The following TTC23L variants were observed in gnomAD, a reference collection of about 807,000 sequenced individuals.
The protein encoded by TTC23L is tetratricopeptide repeat protein 23-like.
In TTC23L, 42 loss-of-function variants were observed where a neutral mutation model predicts 48.1. The observed-to-expected ratio is 0.87, with a 90% CI of 0.68 to 1.13. The LOEUF is 1.13. TTC23L is among the 50% of genes most tolerant of loss of function. The pLI is 0.00. For missense variants in TTC23L, 391 were observed against 421.0 expected, an observed-to-expected ratio of 0.93 and a Z score of 0.62; for synonymous variants, 159 against 157.2, an observed-to-expected ratio of 1.01 and a Z score of -0.09.
chr5:34,857,516 T>C (rs1392035049), intron 4 of TTC23L, among the ~76,000 whole-genome samples: 1 of 152,206 alleles, frequency 6.6e-6, no homozygotes, highest in African/African-American at 2.4e-5. Flanking sequence ...AGAAGCCTGA[T>C]ACCTACCTGA....
chr5:34,888,373 C>T (rs980423639), intron 9 of TTC23L: 2 of 446,498 alleles, frequency 4.5e-6, no homozygotes, highest in Admixed American at 6.4e-5. Flanking sequence ...CTCAGTTCCG[C>T]TGGTCCTTTC....
intron 8 of TTC23L, among the ~76,000 whole-genome samples, chr5:34,874,051 G>C (rs1309010623): frequency 1.3e-5 from 2 of 152,132 alleles, no homozygotes; most frequent in Non-Finnish European, 2.9e-5. Flanking sequence ...CAAACAACAA[G>C]TAAAAAGCAA....
rs551195724 is a variant in TTC23L at position 34,856,712 on chromosome 5, A to C, written c.380-6186A>C. Among the ~76,000 whole-genome samples, 6 of 152,384 alleles carry C rather than the reference A, an allele frequency of 3.9e-5. No homozygotes were observed. In the South Asian group the frequency reaches 1.2e-3, roughly 32 times the overall value. On this transcript the variant is annotated intron_variant, in intron 4 of 10. Coordinates refer to ENST00000505624, the Ensembl canonical transcript of TTC23L. ...GGACCTTGATAAAGAGTTAGCAAAGAATCAATTACAGAAGGTTTATAAAGG... is the reference window on the plus strand; with the variant it reads ...GGACCTTGATAAAGAGTTAGCAAAGCATCAATTACAGAAGGTTTATAAAGG...
downstream of TTC23L, among the ~76,000 whole-genome samples, chr5:34,899,619 G>A (rs930268199): frequency 6.6e-6 from 1 of 152,126 alleles, no homozygotes; most frequent in African/African-American, 2.4e-5. Context: ...GGCTGGGCGC[G>A]GTGGCTCATG....
At chr5:34,889,983 C>T (rs369558842) in intron 9 of TTC23L, among the ~76,000 whole-genome samples, 187 of 151,992 alleles carry the variant, frequency 1.2e-3, no homozygotes, top group African/African-American at 4.3e-3. Flanking sequence ...GGACTACATG[C>T]GTATGCCACC....
At chr5:34,884,228 G>T (rs1405342556) in intron 9 of TTC23L, among the ~76,000 whole-genome samples, 1 of 152,022 alleles carries the variant, frequency 6.6e-6, no homozygotes, top group Admixed American at 6.6e-5. Flanking sequence ...AAGAAAAACT[G>T]CCAACAAAGA....
the TTC23L span, chr5:34,919,871 T>C: frequency 8.3e-7 from 1 of 1,197,834 alleles, no homozygotes; most frequent in Non-Finnish European, 1.2e-6. Flanking sequence ...ATAAGCTATT[T>C]GTGATTAACG....
chr5:34,906,134 T>C, the TTC23L span: 1 of 151,876 alleles, frequency 6.6e-6, no homozygotes, highest in East Asian at 1.9e-4. Flanking sequence ...TTTGTATTTT[T>C]AGTAGAGGTA....
chr5:34,864,628 G>T, intron 6 of TTC23L, 66 bp downstream of exon 6: 1 of 1,490,474 alleles, frequency 6.7e-7, no homozygotes, highest in Non-Finnish European at 8.9e-7. Context: ...TGATATAAGG[G>T]AGAAAAATAT....
At chr5:34,888,045 T>C (rs1024989634) in intron 9 of TTC23L, among the ~76,000 whole-genome samples, 2 of 152,198 alleles carry the variant, frequency 1.3e-5, no homozygotes, top group African/African-American at 2.4e-5. Context: ...ATGGGACCTT[T>C]AGAAGGTGAC....
chr5:34,903,569 A>C (rs1474848890), downstream of TTC23L, among the ~76,000 whole-genome samples: 1 of 152,100 alleles, frequency 6.6e-6, no homozygotes, highest in Non-Finnish European at 1.5e-5. Context: ...ACATATATCC[A>C]CCATTATAGT....
chr5:34,914,578 T>C, the TTC23L span: 1 of 874,598 alleles, frequency 1.1e-6, no homozygotes, highest in Non-Finnish European at 1.8e-6. Context: ...TTATTTATTA[T>C]GACTATTGAC....
intron 9 of TTC23L, among the ~76,000 whole-genome samples, chr5:34,896,042 T>C (rs1472670919): frequency 6.6e-6 from 1 of 152,206 alleles, no homozygotes; most frequent in African/African-American, 2.4e-5. Flanking sequence ...GCAGCAGCTT[T>C]TCCAAATCAG....
At chr5:34,870,940 A>G (rs556646554) in intron 8 of TTC23L, among the ~76,000 whole-genome samples, 11 of 152,190 alleles carry the variant, frequency 7.2e-5, no homozygotes, top group Admixed American at 4.6e-4. Flanking sequence ...TCCATTCATG[A>G]TGGAAGGAAC....
At chr5:34,882,439 A>G (rs769298087) in intron 9 of TTC23L, among the ~76,000 whole-genome samples, 1 of 152,220 alleles carries the variant, frequency 6.6e-6, no homozygotes, top group Non-Finnish European at 1.5e-5. Flanking sequence ...TGCCTGAAAC[A>G]CTAACTGGCA....
chr5:34,885,250 T>C (rs1040619389), intron 9 of TTC23L, among the ~76,000 whole-genome samples: 3 of 152,156 alleles, frequency 2.0e-5, no homozygotes, highest in African/African-American at 7.2e-5. Flanking sequence ...TAAAGAATCA[T>C]GAAAACTAAA....
chr5:34,847,636 C>T (rs957533205), intron 3 of TTC23L, among the ~76,000 whole-genome samples: 1 of 152,138 alleles, frequency 6.6e-6, no homozygotes, highest in African/African-American at 2.4e-5. Flanking sequence ...GATGAATATA[C>T]AATGTCCAGA....
intron 8 of TTC23L, among the ~76,000 whole-genome samples, 187 bp from the exon 9 acceptor site, chr5:34,879,994 C>CA (rs900438910): frequency 6.6e-5 from 10 of 151,876 alleles, no homozygotes; most frequent in Admixed American, 1.3e-4. Flanking sequence ...TACTCTATCT[C>CA]AAAAAACAAA....
intron 4 of TTC23L, among the ~76,000 whole-genome samples, chr5:34,854,030 C>T (rs922451293): frequency 6.6e-6 from 1 of 152,222 alleles, no homozygotes; most frequent in Non-Finnish European, 1.5e-5. Context: ...TGAAATCAAT[C>T]CCTTCCATAA....
Sources: allele counts gnomAD v4.1 joint callset (sites outside exome capture counted in the v4.1 genomes callset), GRCh38; gene constraint gnomAD v4.1.1; transcripts MANE v1.5; gene names NCBI Gene and HGNC (gene_info 2026-07-23, HGNC 2026-07-21).